The following AMY1C variants were observed in gnomAD, a reference collection of about 807,000 sequenced individuals.
AMY1C encodes the protein alpha-amylase 1C.
AMY1C carries 3 observed loss-of-function variants against 13.4 expected under a neutral mutation model. The ratio of observed to expected loss-of-function variants is 0.22; its 90% CI spans 0.10 to 0.58. AMY1C has a LOEUF of 0.58. Ranked by LOEUF, AMY1C falls within the 20% of genes least tolerant of loss-of-function variation. The pLI is 0.91. For missense variants in AMY1C, 5 were observed against 96.4 expected (o/e 0.05, Z 3.97); for synonymous variants, 1 against 28.5 (o/e 0.04, Z 3.07).
chr1:103,754,348 G>GTA lies in AMY1C; in HGVS notation c.879-139_879-138dup, dbSNP rs1309720976. On this transcript the variant is annotated intron_variant, in intron 6 of 10. Transcript: ENST00000622339. ...TGAGTGTGTGTTTGTGTGTGTGTGT[G>GTA]TATATATATATATCTTACAGAGTAA... is the stretch of plus-strand genomic sequence containing the variant. The GTA allele has an allele frequency of 5.8e-4, 272 of 471,760 alleles. 2 individuals are homozygous for GTA. The highest frequency in any genetic ancestry group is 7.0e-4 in the Non-Finnish European group (194 of 279,010). 29.2% of individuals were successfully genotyped at this position (471,760 alleles called of 1,614,324 possible). A position where few individuals can be genotyped will look rare whatever the true frequency, so the allele number is the denominator to read the frequency against.
intron 6 of AMY1C, 163 bp from the exon 7 acceptor site, chr1:103,754,334 TTG>T (rs1198610890): frequency 2.5e-3 from 221 of 89,396 alleles, no homozygotes; most frequent in Middle Eastern, 3.5e-3. Flanking sequence ...GAGTGTGTGT[TTG>T]TGTGTGTGTG....
intron 8 of AMY1C, among the ~76,000 whole-genome samples, chr1:103,755,799 TA>T (rs1653939786): frequency 8.7e-6 from 1 of 115,114 alleles, no homozygotes; most frequent in African/African-American, 2.7e-5. Context: ...TATAAACTCT[TA>T]AGTTTTGTTC....
intron 8 of AMY1C, among the ~76,000 whole-genome samples, chr1:103,755,763 C>A (rs960481308): frequency 3.4e-5 from 4 of 117,114 alleles, no homozygotes; most frequent in Admixed American, 8.7e-5. Context: ...CTATAACATT[C>A]CCACTTTGAC....
intron 8 of AMY1C, among the ~76,000 whole-genome samples, chr1:103,755,911 A>G (rs1265526333): frequency 7.0e-6 from 1 of 142,142 alleles, no homozygotes; most frequent in African/African-American, 2.4e-5. Flanking sequence ...CAATCAGAAA[A>G]GCATAATACT....
intron 8 of AMY1C, among the ~76,000 whole-genome samples, chr1:103,756,186 A>G (rs1313566773): frequency 1.0e-5 from 1 of 99,202 alleles, no homozygotes; most frequent in African/African-American, 3.1e-5. Flanking sequence ...TGGTGTTTCT[A>G]GTACTAATGC....
intron 6 of AMY1C, 149 bp from the exon 7 acceptor site, chr1:103,754,346 GTGTA>G: frequency 1.8e-5 from 2 of 110,210 alleles, no homozygotes; most frequent in Non-Finnish European, 2.9e-5. Context: ...GTGTGTGTGT[GTGTA>G]TATATATATA....
At chr1:103,755,545 CTA>C (rs1653929079) in intron 8 of AMY1C, among the ~76,000 whole-genome samples, 1 of 71,270 alleles carries the variant, frequency 1.4e-5, no homozygotes, top group East Asian at 2.9e-4. Flanking sequence ...TTCCTCCTTC[CTA>C]TGAGTCACAC....
chr1:103,750,095 TA>T (rs1653859127), intron 1 of AMY1C, 29 bp downstream of exon 1: 1 of 59,230 alleles, frequency 1.7e-5, no homozygotes, highest in Non-Finnish European at 2.9e-5. Context: ...TTAATTTATG[TA>T]AAGTTTTTTA....
chr1:103,755,900 C>T (rs1371377593), intron 8 of AMY1C, among the ~76,000 whole-genome samples: 1 of 140,872 alleles, frequency 7.1e-6, no homozygotes, highest in African/African-American at 2.5e-5. Flanking sequence ...TCTTAAAGTG[C>T]CAATCAGAAA....
At chr1:103,756,198 C>T in intron 8 of AMY1C, among the ~76,000 whole-genome samples, 2 of 95,308 alleles carry the variant, frequency 2.1e-5, no homozygotes. Flanking sequence ...TACTAATGCC[C>T]TTCCCATTTC....
chr1:103,754,892 A>G, intron 8 of AMY1C, 78 bp downstream of exon 8: 1 of 1,028,752 alleles, frequency 9.7e-7, no homozygotes, highest in Non-Finnish European at 1.4e-6. Context: ...TATGACAACT[A>G]TTAAGTGTTT....
rs377077462 is a variant in AMY1C, at chr1:103,754,619, T to C, written c.999T>C (p.Ala333=). ...CCTCTATACTTACCTTCTGGGATGCTAGGTAGAAAACCAAGTTCTCTATTT... is the reference window on the plus strand; with the variant it reads ...CCTCTATACTTACCTTCTGGGATGCCAGGTAGAAAACCAAGTTCTCTATTT... ...GGASILTFWD[A]RLYKMAVGFM... is the part of the protein sequence containing the mutation. The change falls in exon 7 of 11, where the codon GCT becomes GCC. Residue 333 remains alanine (A), a splice_region_variant and synonymous_variant. Transcript: ENST00000622339. 34 of 1,582,816 alleles carry C rather than the reference T, an allele frequency of 2.1e-5. 6 individuals are homozygous for C. The highest frequency in any genetic ancestry group is 2.9e-5 in the Non-Finnish European group (34 of 1,155,858).
intron 8 of AMY1C, among the ~76,000 whole-genome samples, chr1:103,755,177 A>T (rs2101124766): frequency 2.9e-5 from 3 of 102,588 alleles, no homozygotes; most frequent in Admixed American, 2.6e-4. Context: ...ACCCTTGTAG[A>T]GAACTTAAAA....
At chr1:103,754,690 G>A in intron 7 of AMY1C, 25 bp from the exon 8 acceptor site, 1 of 1,568,978 alleles carries the variant, frequency 6.4e-7, no homozygotes, top group Admixed American at 1.8e-5. Context: ...GATATTCTAT[G>A]ATAATATAAT....
chr1:103,750,534 A>G lies in AMY1C; in HGVS notation c.65A>G (p.Gln22Arg), dbSNP rs1384988277. The G allele has an allele frequency of 3.7e-6, 1 of 269,104 alleles. No homozygotes were observed. The highest frequency in any genetic ancestry group is 6.9e-5 in the Admixed American group (1 of 14,448). The allele number at this position is 269,104 out of a possible 1,614,324, so 16.7% of individuals were successfully genotyped here. ...TGGGCTCAGTATTCCTCAAATACACAACAAGGACGAACATCTATTGTTCAT... is the reference window on the plus strand; with the variant it reads ...TGGGCTCAGTATTCCTCAAATACACGACAAGGACGAACATCTATTGTTCAT... ...FCWAQYSSNT[Q>R]QGRTSIVHLF... is the part of the protein sequence containing the mutation. Residue 22 changes from glutamine (Q) to arginine (R), a missense_variant, in exon 2 of 11, where the codon CAA becomes CGA. Physicochemically the swap from Gln to Arg is conservative, Grantham distance 43 (BLOSUM62 1). Transcript: ENST00000622339.
intron 8 of AMY1C, among the ~76,000 whole-genome samples, chr1:103,756,121 A>G (rs1334220727): frequency 9.5e-6 from 1 of 105,168 alleles, no homozygotes; most frequent in African/African-American, 2.9e-5. Context: ...CAGAGAAATT[A>G]TTTATATTGA....
rs1653894264 is a variant in AMY1C at position 103,754,636 on chromosome 1, T to G, written c.1001+15T>G. The G allele has an allele frequency of 6.3e-7, 1 of 1,583,660 alleles. No individual in the cohort carries two copies. The highest frequency in any genetic ancestry group is 1.4e-5 in the African/African-American group (1 of 73,818). On this transcript the variant is annotated intron_variant, in intron 7 of 10. Transcript: ENST00000622339. ...TGGGATGCTAGGTAGAAAACCAAGT[T>G]CTCTATTTTTTAACACCTCTTTTAA...
chr1:103,754,880 AAT>A (rs1653908256), intron 8 of AMY1C, 66 bp downstream of exon 8: 1 of 1,093,384 alleles, frequency 9.1e-7, no homozygotes, highest in East Asian at 2.6e-5. Context: ...CTCCTAATTT[AAT>A]ATGACAACTA....
chr1:103,755,828 G>A (rs1223423919), intron 8 of AMY1C, among the ~76,000 whole-genome samples: 2 of 126,210 alleles, frequency 1.6e-5, no homozygotes, highest in Non-Finnish European at 3.7e-5. Flanking sequence ...ACCATATGAC[G>A]TGATTTTAAG....
Sources: gnomAD v4.1 joint callset for allele counts (sites outside exome capture counted in the v4.1 genomes callset) on GRCh38, gnomAD v4.1.1 for gene constraint, MANE v1.5 for transcripts, NCBI Gene and HGNC (gene_info 2026-07-23, HGNC 2026-07-21) for gene names.